Variants in ACSS3 observed in about 807,000 individuals in gnomAD.
ACSS3 encodes the protein acyl-CoA synthetase short chain family member 3, also known as acyl-CoA synthetase short-chain family member 3, mitochondrial.
In ACSS3, 64 loss-of-function variants were observed where a neutral mutation model predicts 84.2. That is an observed-to-expected ratio of 0.76 (90% CI 0.62 to 0.94). ACSS3 has a LOEUF of 0.94. Among genes scored for constraint, ACSS3 ranks in the 40% least tolerant of loss-of-function variants. The pLI, the probability that ACSS3 is intolerant of heterozygous loss-of-function variation, is 0.00. For synonymous variants in ACSS3, 317 were observed against 310.1 expected (o/e 1.02, Z -0.23); for missense variants, 815 against 867.6 (o/e 0.94, Z 0.76).
At chr12:81,212,092 A>G (rs1038174617) in intron 9 of ACSS3, among the ~76,000 whole-genome samples, 1 of 152,170 alleles carries the variant, frequency 6.6e-6, no homozygotes, top group Non-Finnish European at 1.5e-5. Context: ...CTTGTTCAAT[A>G]CAAAATTGAA....
intron 3 of ACSS3, among the ~76,000 whole-genome samples, chr12:81,137,286 A>G (rs548404372): frequency 8.6e-5 from 13 of 151,598 alleles, no homozygotes; most frequent in Admixed American, 8.6e-4. Context: ...GGATTTAAAA[A>G]ACTTATGGTG....
At chr12:81,181,221 A>G (rs1349278900) in intron 8 of ACSS3, among the ~76,000 whole-genome samples, 4 of 151,426 alleles carry the variant, frequency 2.6e-5, no homozygotes, top group African/African-American at 9.7e-5. Flanking sequence ...TACACAATCA[A>G]TATCACTGCC....
chr12:81,167,532 G>T (rs576076441), intron 7 of ACSS3, among the ~76,000 whole-genome samples: 1 of 152,118 alleles, frequency 6.6e-6, no homozygotes, highest in Non-Finnish European at 1.5e-5. Flanking sequence ...GTCTCTTGTT[G>T]CAAGATGGTG....
At chr12:81,185,462 C>T (rs931964488) in intron 8 of ACSS3, among the ~76,000 whole-genome samples, 4 of 151,698 alleles carry the variant, frequency 2.6e-5, no homozygotes, top group Admixed American at 6.6e-5. Context: ...ACCACAAAAA[C>T]GTTATTACTA....
In ACSS3 at chr12:81,165,157, T is replaced by G. The variant is rs1887340651; in HGVS notation, c.1099-9631T>G. On this transcript the variant is annotated intron_variant, in intron 7 of 15. Coordinates refer to ENST00000548058, the MANE Select transcript of ACSS3 (RefSeq NM_024560.4). ...AAAAAATATTTATTTTTGAGTTCCT[T>G]TTTCCCTTTATGTATGTCTATGTTT... Among the ~76,000 whole-genome samples the G allele has an allele frequency of 2.0e-5, 3 of 152,162 alleles. No individual in the cohort carries two copies. In the South Asian group the frequency reaches 6.2e-4, roughly 32 times the overall value.
chr12:81,196,024 A>G (rs2031809454), intron 8 of ACSS3, among the ~76,000 whole-genome samples: 1 of 152,192 alleles, frequency 6.6e-6, no homozygotes, highest in African/African-American at 2.4e-5. Flanking sequence ...ATCTGTTGAG[A>G]TAACAGTTTA....
chr12:81,109,658 T>A lies in ACSS3; in HGVS notation c.410T>A (p.Val137Asp). ...ATTGCTATCATCTATGACAGTCCTG[T>A]TACAAACACTAAAGCAACCTTTACC... ...DKIAIIYDSP[V>D]TNTKATFTYK... Residue 137 changes from valine to aspartate, a missense_variant, in exon 2 of 16, where the codon GTT becomes GAT. Transcript: ENST00000548058. The A allele has an allele frequency of 6.2e-7, 1 of 1,610,864 alleles. No homozygotes were observed. The highest frequency in any genetic ancestry group is 1.1e-5 in the South Asian group (1 of 90,170).
intron 7 of ACSS3, among the ~76,000 whole-genome samples, chr12:81,173,517 TA>T (rs983681214): frequency 6.6e-6 from 1 of 151,524 alleles, no homozygotes; most frequent in Non-Finnish European, 1.5e-5. Flanking sequence ...TTAAAAATAA[TA>T]AAAAAATAGT....
intron 2 of ACSS3, among the ~76,000 whole-genome samples, chr12:81,128,449 C>T (rs941083560): frequency 1.3e-5 from 2 of 152,120 alleles, no homozygotes; most frequent in Non-Finnish European, 2.9e-5. Context: ...CAGTAATTCA[C>T]ACATTGGTAG....
chr12:81,083,350 CT>C (rs1356789375), intron 1 of ACSS3, among the ~76,000 whole-genome samples: 1 of 127,120 alleles, frequency 7.9e-6, no homozygotes, highest in Non-Finnish European at 1.8e-5. Context: ...AAAAATTCAG[CT>C]TTTGGTCTTT....
intron 13 of ACSS3, among the ~76,000 whole-genome samples, chr12:81,247,969 T>C (rs1205829704): frequency 6.6e-6 from 1 of 152,098 alleles, no homozygotes; most frequent in Non-Finnish European, 1.5e-5. Context: ...AGTAAAAATA[T>C]CTACACTTTT....
chr12:81,087,191 C>T (rs545579798), intron 1 of ACSS3, among the ~76,000 whole-genome samples: 2 of 152,044 alleles, frequency 1.3e-5, no homozygotes, highest in Non-Finnish European at 2.9e-5. Context: ...TAATTTAAAA[C>T]ATTAATTGCC....
intron 2 of ACSS3, among the ~76,000 whole-genome samples, chr12:81,131,459 GT>G (rs1452930656): frequency 1.3e-5 from 2 of 151,990 alleles, no homozygotes; most frequent in Admixed American, 6.6e-5. Context: ...AATGCCTGTG[GT>G]TTTTGCACAT....
In ACSS3 at chr12:81,121,819, T is replaced by A. The variant is rs186416268; in HGVS notation, c.456+12115T>A. Among the ~76,000 whole-genome samples, 231 of 152,262 alleles carry A rather than the reference T, an allele frequency of 1.5e-3. 2 individuals are homozygous for A. The highest frequency in any genetic ancestry group is 3.8e-3 in the African/African-American group (159 of 41,554). The stretch of plus-strand genomic sequence containing the variant: ...TTCCATAGAGGCTTTGATTATACAA[T>A]GTGCCATAACCTTATCTGACCTTTA... On this transcript the variant is annotated intron_variant, in intron 2 of 15. Coordinates refer to ENST00000548058, the MANE Select transcript of ACSS3 (RefSeq NM_024560.4).
rs571741015 is a variant in ACSS3, at chr12:81,197,651, C to T, written c.1251-1690C>T. On this transcript the variant is annotated intron_variant, in intron 8 of 15. Coordinates refer to ENST00000548058, the MANE Select transcript of ACSS3 (RefSeq NM_024560.4). ...TGTGTCTTTCACTGTTAGACCTTGT[C>T]AGCTACCATAAACACTATCATCCTT... 9.2e-5 allele frequency among the ~76,000 whole-genome samples: 14 copies of T among 152,252 alleles called. No individual in the cohort carries two copies. The East Asian group carries it at 2.5e-3, about 27-fold the overall frequency.
intron 9 of ACSS3, among the ~76,000 whole-genome samples, chr12:81,201,184 A>G (rs6539564): frequency 0.69 from 104,286 of 152,074 alleles, 36,257 homozygotes; most frequent in Non-Finnish European, 0.76. Context: ...TCTGCAAGAA[A>G]AATGTTTACA....
chr12:81,105,064 C>T (rs989247721), intron 1 of ACSS3, among the ~76,000 whole-genome samples: 31 of 152,032 alleles, frequency 2.0e-4, no homozygotes, highest in African/African-American at 6.3e-4. Context: ...TTACTCATTA[C>T]ACAAAGATCC....
chr12:81,087,388 A>G (rs1321185386), intron 1 of ACSS3, among the ~76,000 whole-genome samples: 1 of 152,002 alleles, frequency 6.6e-6, no homozygotes, highest in East Asian at 1.9e-4. Flanking sequence ...GATGAAGAAG[A>G]AGGAGCAGGA....
At chr12:81,199,159 T>C (rs944678606) in intron 8 of ACSS3, among the ~76,000 whole-genome samples, 182 bp from the exon 9 acceptor site, 1 of 152,214 alleles carries the variant, frequency 6.6e-6, no homozygotes, top group Admixed American at 6.5e-5. Context: ...CTGTGATGTA[T>C]GTTTGTTTAC....
Sources: gnomAD v4.1 joint callset for allele counts (sites outside exome capture counted in the v4.1 genomes callset) on GRCh38, gnomAD v4.1.1 for gene constraint, MANE v1.5 for transcripts, NCBI Gene and HGNC (gene_info 2026-07-23, HGNC 2026-07-21) for gene names.